Variants in PCDH15 observed in about 807,000 individuals in gnomAD.
PCDH15 encodes protocadherin-15.
In PCDH15, 129 loss-of-function variants were observed where a neutral mutation model predicts 178.5. The observed-to-expected ratio is 0.72, with a 90% confidence interval of 0.63 to 0.84. PCDH15 has a LOEUF of 0.84. Among genes scored for constraint, PCDH15 ranks in the 40% least tolerant of loss-of-function variants. The pLI is 0.00. For missense variants in PCDH15, 2,230 were observed against 2,099.9 expected (o/e 1.06, Z -1.21); for synonymous variants, 800 against 732.0 (o/e 1.09, Z -1.50).
rs369171392 is a variant in PCDH15 at position 54,438,715 on chromosome 10, G to C, written c.158-59773C>G. Among the ~76,000 whole-genome samples, 17 of 151,976 alleles carry C rather than the reference G, an allele frequency of 1.1e-4. No individual in the cohort carries two copies. The East Asian group carries it at 3.3e-3, about 29-fold the overall frequency. On this transcript the variant is annotated intron_variant, in intron 3 of 37. Coordinates refer to ENST00000644397, the MANE Select transcript of PCDH15 (RefSeq NM_001384140.1). ...TCATGTATGGTTCCATTGCAGGATGGGTGCAATGCTGAGTGCCAGCAGGGG... is the reference window on the plus strand; with the variant it reads ...TCATGTATGGTTCCATTGCAGGATGCGTGCAATGCTGAGTGCCAGCAGGGG...
chr10:55,288,645 T>C (rs1486348602), intron 1 of PCDH15, among the ~76,000 whole-genome samples: 1 of 152,082 alleles, frequency 6.6e-6, no homozygotes, highest in African/African-American at 2.4e-5. Context: ...TCTATTTTAA[T>C]TGGCTTATTC....
intron 3 of PCDH15, among the ~76,000 whole-genome samples, chr10:54,496,156 A>C (rs1589714804): frequency 2.0e-5 from 3 of 152,176 alleles, no homozygotes; most frequent in East Asian, 1.9e-4. Flanking sequence ...CTCAATATGC[A>C]TTCTTCTTTT....
chr10:54,589,522 CTTAT>C (rs370147404), intron 2 of PCDH15, among the ~76,000 whole-genome samples: 16 of 152,190 alleles, frequency 1.1e-4, no homozygotes, highest in African/African-American at 3.9e-4. Flanking sequence ...TGTTTATTAA[CTTAT>C]TTGTTAATTT....
intron 2 of PCDH15, among the ~76,000 whole-genome samples, chr10:54,545,968 A>C (rs372407662): frequency 2.8e-4 from 43 of 152,382 alleles, no homozygotes; most frequent in African/African-American, 1.0e-3. Flanking sequence ...CAAGTGAGCC[A>C]AAGGGAAGTC....
chr10:54,794,065 C>T (rs536510911), intron 1 of PCDH15, among the ~76,000 whole-genome samples: 2 of 146,120 alleles, frequency 1.4e-5, no homozygotes, highest in East Asian at 4.0e-4. Context: ...TAAGAAACTG[C>T]TTTGAGATAT....
At chr10:55,048,006 G>A (rs920919655) in intron 2 of PCDH15, among the ~76,000 whole-genome samples, 4 of 151,732 alleles carry the variant, frequency 2.6e-5, no homozygotes, top group Non-Finnish European at 4.4e-5. Flanking sequence ...ACTATGCAGG[G>A]TTACTATTTA....
At chr10:54,583,152 C>T (rs2091186233) in intron 2 of PCDH15, among the ~76,000 whole-genome samples, 1 of 151,970 alleles carries the variant, frequency 6.6e-6, no homozygotes, top group Non-Finnish European at 1.5e-5. Context: ...CACCCCTAAA[C>T]AGTATATAGT....
chr10:54,594,523 G>A (rs1396718219), intron 2 of PCDH15, among the ~76,000 whole-genome samples: 1 of 152,118 alleles, frequency 6.6e-6, no homozygotes, highest in Non-Finnish European at 1.5e-5. Context: ...CTGGTGGACT[G>A]CAGCTGACTG....
chr10:54,035,874 T>C (rs1306474275), intron 18 of PCDH15, among the ~76,000 whole-genome samples: 1 of 151,950 alleles, frequency 6.6e-6, no homozygotes, highest in African/African-American at 2.4e-5. Context: ...AATTAAAAGT[T>C]CTACTCCAGT....
At chr10:54,763,084 T>C (rs1242667419) in intron 1 of PCDH15, among the ~76,000 whole-genome samples, 4 of 152,114 alleles carry the variant, frequency 2.6e-5, no homozygotes. Context: ...GGACACTATT[T>C]CATTTGTCTT....
chr10:53,864,405 C>G (rs2079306843), intron 27 of PCDH15, among the ~76,000 whole-genome samples: 1 of 152,192 alleles, frequency 6.6e-6, no homozygotes, highest in Non-Finnish European at 1.5e-5. Flanking sequence ...AGGCTACTCT[C>G]CCTAAAACCT....
intron 2 of PCDH15, among the ~76,000 whole-genome samples, chr10:55,429,487 T>C (rs1838832068): frequency 6.6e-6 from 1 of 152,162 alleles, no homozygotes; most frequent in Non-Finnish European, 1.5e-5. Flanking sequence ...AATGTGTCTT[T>C]TTTGTTCTGC....
At chr10:54,249,215 T>G (rs1418405745) in intron 8 of PCDH15, among the ~76,000 whole-genome samples, 1 of 152,120 alleles carries the variant, frequency 6.6e-6, no homozygotes, top group Non-Finnish European at 1.5e-5. Context: ...TTAATTTTGT[T>G]GACATTTTCA....
At chr10:55,164,073 T>A (rs564467646) in intron 2 of PCDH15, among the ~76,000 whole-genome samples, 15 of 152,268 alleles carry the variant, frequency 9.9e-5, no homozygotes, top group African/African-American at 3.4e-4. Context: ...GCCTTCCTGT[T>A]GTCAACGGTG....
chr10:54,304,561 C>A (rs1271243412), intron 8 of PCDH15, among the ~76,000 whole-genome samples: 1 of 152,006 alleles, frequency 6.6e-6, no homozygotes, highest in Non-Finnish European at 1.5e-5. Flanking sequence ...AGCAGATAGG[C>A]AGGAATTGAA....
At chr10:54,023,465 A>G (rs1351317589) in intron 18 of PCDH15, among the ~76,000 whole-genome samples, 7 of 150,544 alleles carry the variant, frequency 4.6e-5, no homozygotes, top group African/African-American at 1.7e-4. Flanking sequence ...TCATAAAAAT[A>G]CTGAATCTTT....
At chr10:54,580,306 A>G (rs1261972489) in intron 2 of PCDH15, among the ~76,000 whole-genome samples, 2 of 152,052 alleles carry the variant, frequency 1.3e-5, no homozygotes, top group Non-Finnish European at 2.9e-5. Flanking sequence ...ACACATGGAA[A>G]CCGAAAAGAT....
At chr10:54,398,792 G>T (rs1302267396) in intron 3 of PCDH15, among the ~76,000 whole-genome samples, 1 of 152,030 alleles carries the variant, frequency 6.6e-6, no homozygotes, top group Non-Finnish European at 1.5e-5. Flanking sequence ...CAATAGCCTT[G>T]CAGACAACCA....
chr10:54,972,455 G>T (rs994499253), intron 2 of PCDH15, among the ~76,000 whole-genome samples: 2 of 151,840 alleles, frequency 1.3e-5, no homozygotes, highest in African/African-American at 4.8e-5. Context: ...CAGGAGAATC[G>T]CTTGAACCTG....
Sources: allele counts gnomAD v4.1 joint callset (sites outside exome capture counted in the v4.1 genomes callset), GRCh38; gene constraint gnomAD v4.1.1; transcripts MANE v1.5; gene names NCBI Gene and HGNC (gene_info 2026-07-23, HGNC 2026-07-21).